PRKAR1B: variants seen among roughly 807,000 people sequenced by gnomAD.
PRKAR1B encodes the protein protein kinase cAMP-dependent type I regulatory subunit beta, also known as cAMP-dependent protein kinase type I-beta regulatory subunit.
In PRKAR1B, 22 loss-of-function variants were observed where a neutral mutation model predicts 46.5. The observed-to-expected ratio is 0.47, with a 90% CI of 0.34 to 0.68. The LOEUF (loss-of-function observed/expected upper bound fraction) is 0.68. Ranked by LOEUF, PRKAR1B falls within the 30% of genes least tolerant of loss-of-function variation. The pLI, the probability that PRKAR1B is intolerant of heterozygous loss-of-function variation, is 0.01. For missense variants in PRKAR1B, 445 were observed against 535.6 expected, an observed-to-expected ratio of 0.83 and a Z score of 1.67; for synonymous variants, 259 against 217.7, an observed-to-expected ratio of 1.19 and a Z score of -1.67.
At chr7:619,640 C>T (rs1023467964) in intron 4 of PRKAR1B, among the ~76,000 whole-genome samples, 2 of 152,218 alleles carry the variant, frequency 1.3e-5, no homozygotes, top group African/African-American at 4.8e-5. Flanking sequence ...TGTGTGCCTG[C>T]ACCTCCTCTC....
Position 551,423 on chromosome 7 carries a change from C to A in PRKAR1B, c.939G>T (p.Val313=). Residue 313 remains valine, a synonymous_variant, in exon 10 of 11, where the codon GTG becomes GTT. Transcript: ENST00000537384. ...LQRRSPNEEY[V]EVGRLGPSDY... ...CAGAGGGTCCCAGGCGCCCCACCTCCACGTACTCCTCATTGGGGGACCGGC... is the reference window on the plus strand; with the variant it reads ...CAGAGGGTCCCAGGCGCCCCACCTCAACGTACTCCTCATTGGGGGACCGGC... 1 of 1,560,698 alleles carries A rather than the reference C, an allele frequency of 6.4e-7. No homozygotes were observed. The highest frequency in any genetic ancestry group is 8.7e-7 in the Non-Finnish European group (1 of 1,152,208).
At chr7:633,439 C>T (rs915453058) in intron 4 of PRKAR1B, among the ~76,000 whole-genome samples, 1 of 152,168 alleles carries the variant, frequency 6.6e-6, no homozygotes, top group Non-Finnish European at 1.5e-5. Flanking sequence ...ATTAGTATTT[C>T]ATGTAATTAT....
chr7:724,770 A>G (rs1056237994), intron 1 of PRKAR1B, among the ~76,000 whole-genome samples: 2 of 152,176 alleles, frequency 1.3e-5, no homozygotes, highest in African/African-American at 4.8e-5. Context: ...ATCCTGCAAG[A>G]CCCTAAGATC....
chr7:561,457 C>T (rs1778793932), intron 9 of PRKAR1B, among the ~76,000 whole-genome samples: 1 of 152,212 alleles, frequency 6.6e-6, no homozygotes, highest in Non-Finnish European at 1.5e-5. Context: ...AGCTCCCTTC[C>T]ACCCAAATCC....
chr7:712,060 G>T (rs895756172), intron 1 of PRKAR1B, among the ~76,000 whole-genome samples: 1 of 151,192 alleles, frequency 6.6e-6, no homozygotes, highest in African/African-American at 2.4e-5. Context: ...GCTGGCGGTG[G>T]TGGGGGGGTG....
chr7:699,300 C>T (rs1023854935), intron 2 of PRKAR1B, among the ~76,000 whole-genome samples: 2 of 152,064 alleles, frequency 1.3e-5, no homozygotes, highest in Non-Finnish European at 1.5e-5. Flanking sequence ...CGTGAGAATT[C>T]GATGAGATAA....
At chr7:639,167 G>T (rs1312870029) in intron 4 of PRKAR1B, among the ~76,000 whole-genome samples, 1 of 152,194 alleles carries the variant, frequency 6.6e-6, no homozygotes, top group African/African-American at 2.4e-5. Flanking sequence ...AAAAGGAACG[G>T]AGTAGGGGGA....
At position 676,909 on chromosome 7, in the gene PRKAR1B, G is replaced by A. The variant is rs549380810; in HGVS notation, c.440+320C>T. On this transcript the variant is annotated intron_variant, in intron 4 of 10. Coordinates refer to ENST00000537384, the MANE Select transcript of PRKAR1B (RefSeq NM_001164760.2). ...CCCGGAGGGCAAGGAGGGCGGTGGT[G>A]ATTCCCGGGCAAGCAACGGGGCCTG... 1.3e-3 allele frequency among the ~76,000 whole-genome samples: 199 copies of A among 151,860 alleles called. 1 individual carries two copies. Among genetic ancestry groups the A allele is most frequent in the African/African-American group, 4.6e-3 (190 of 41,386 alleles).
chr7:657,346 T>C (rs578101733), intron 4 of PRKAR1B, among the ~76,000 whole-genome samples: 2 of 152,226 alleles, frequency 1.3e-5, no homozygotes, highest in African/African-American at 4.8e-5. Flanking sequence ...AGTGAATGTG[T>C]GGATGGGTGA....
At chr7:693,150 G>C (rs1046538136) in intron 2 of PRKAR1B, among the ~76,000 whole-genome samples, 5 of 151,650 alleles carry the variant, frequency 3.3e-5, no homozygotes, top group Admixed American at 2.0e-4. Context: ...GGCCAAGCTG[G>C]TCTCGAACTC....
chr7:681,264 C>T (rs529252811), intron 2 of PRKAR1B, among the ~76,000 whole-genome samples: 20 of 150,060 alleles, frequency 1.3e-4, no homozygotes, highest in East Asian at 5.9e-4. Flanking sequence ...CTGTAAACTA[C>T]GCAGTCTTGG....
chr7:640,811 CACAA>C, intron 4 of PRKAR1B, among the ~76,000 whole-genome samples: 1 of 137,898 alleles, frequency 7.3e-6, no homozygotes, highest in East Asian at 2.2e-4. Context: ...CACACACAGA[CACAA>C]ATGAAATACC....
chr7:580,230 CAA>C (rs1325090684), intron 8 of PRKAR1B, among the ~76,000 whole-genome samples: 23,175 of 104,544 alleles, frequency 0.22, 2,189 homozygotes, highest in Non-Finnish European at 0.26. Context: ...CACCCTGTCT[CAA>C]AAAAAAAAAA....
In PRKAR1B at chr7:567,514, TCATCAC is replaced by T. The variant is rs1028956938; in HGVS notation, c.891+11736_891+11741del. On this transcript the variant is annotated intron_variant, in intron 9 of 10. Transcript: ENST00000537384. ...ACCATCACCATCATCACCATCACCT[TCATCAC>T]CATCACCATCATCACTATCACCATC... Among the ~76,000 whole-genome samples, 110 of 148,208 alleles carry T rather than the reference TCATCAC, an allele frequency of 7.4e-4. 4 individuals carry two copies. In the East Asian group the frequency reaches 0.021, roughly 29 times the overall value.
chr7:561,213 C>T (rs562142022), intron 9 of PRKAR1B, among the ~76,000 whole-genome samples: 1 of 151,702 alleles, frequency 6.6e-6, no homozygotes, highest in South Asian at 2.1e-4. Flanking sequence ...CACATGCACA[C>T]ACAGGCACAC....
intron 1 of PRKAR1B, 112 bp from the exon 2 acceptor site, chr7:711,639 T>C: frequency 2.1e-6 from 2 of 941,754 alleles, no homozygotes; most frequent in African/African-American, 1.6e-5. Context: ...AGAAAGTCAC[T>C]GATTCTGCAT....
chr7:686,228 G>A (rs1013750031), intron 2 of PRKAR1B, among the ~76,000 whole-genome samples: 10 of 152,080 alleles, frequency 6.6e-5, no homozygotes, highest in Non-Finnish European at 1.5e-4. Flanking sequence ...GTGAACATGG[G>A]AGGTGGAGCT....
At chr7:584,215 T>C (rs1780470467) in intron 8 of PRKAR1B, among the ~76,000 whole-genome samples, 1 of 152,176 alleles carries the variant, frequency 6.6e-6, no homozygotes, top group Non-Finnish European at 1.5e-5. Context: ...GGCGCGGCTC[T>C]GACAGCAAAG....
chr7:588,677 G>T (rs62638845), intron 7 of PRKAR1B, among the ~76,000 whole-genome samples: 3 of 39,746 alleles, frequency 7.5e-5, no homozygotes, highest in Admixed American at 2.6e-4. Flanking sequence ...CAGTGGTGAT[G>T]ACGATGATGG....
Sources: allele counts gnomAD v4.1 joint callset (sites outside exome capture counted in the v4.1 genomes callset), GRCh38; gene constraint gnomAD v4.1.1; transcripts MANE v1.5; gene names NCBI Gene and HGNC (gene_info 2026-07-23, HGNC 2026-07-21).